SYNDIG1L: variants seen among roughly 807,000 people sequenced by gnomAD.
SYNDIG1L encodes the protein synapse differentiation inducing 1 like, also known as synapse differentiation-inducing gene protein 1-like.
Under a neutral mutation model 20.1 loss-of-function variants are expected in SYNDIG1L, and 13 were observed. The observed-to-expected ratio is 0.65, with a 90% CI of 0.42 to 1.03. The LOEUF (loss-of-function observed/expected upper bound fraction) is 1.03, where lower values mean the gene tolerates loss of function less well. Among genes scored for constraint, SYNDIG1L ranks in the 50% least tolerant of loss-of-function variants. The probability of loss-of-function intolerance (pLI) is 0.00; values close to 1 mark genes in which losing one functional copy is unlikely to be tolerated. For missense variants in SYNDIG1L, 294 were observed against 305.1 expected (o/e 0.96, Z 0.27); for synonymous variants, 128 against 129.3 (o/e 0.99, Z 0.07).
intron 1 of SYNDIG1L, among the ~76,000 whole-genome samples, chr14:74,414,187 A>T (rs2086156472): frequency 6.6e-6 from 1 of 152,186 alleles, no homozygotes; most frequent in Admixed American, 6.5e-5. Flanking sequence ...TGGTTACCTG[A>T]GGACCTACGG....
chr14:74,469,127 G>T, the SYNDIG1L span, among the ~76,000 whole-genome samples: 3 of 152,088 alleles, frequency 2.0e-5, no homozygotes. Flanking sequence ...ACCAGGTCAG[G>T]TTTGGTGTCT....
chr14:74,443,784 G>A, the SYNDIG1L span, among the ~76,000 whole-genome samples: 1 of 152,172 alleles, frequency 6.6e-6, no homozygotes, highest in Non-Finnish European at 1.5e-5. Flanking sequence ...TCTTTCTTCA[G>A]GAATCACTTG....
the SYNDIG1L span, among the ~76,000 whole-genome samples, chr14:74,437,393 G>A: frequency 6.6e-6 from 1 of 152,196 alleles, no homozygotes; most frequent in Non-Finnish European, 1.5e-5. Context: ...TTGTTAGAAT[G>A]ACCAGGGCTG....
chr14:74,436,977 A>G, the SYNDIG1L span, among the ~76,000 whole-genome samples: 1 of 151,126 alleles, frequency 6.6e-6, no homozygotes, highest in East Asian at 2.0e-4. Flanking sequence ...CTCCCATAGC[A>G]CTCAGAGCGT....
the SYNDIG1L span, among the ~76,000 whole-genome samples, chr14:74,467,241 A>G: frequency 6.6e-6 from 1 of 152,174 alleles, no homozygotes; most frequent in Non-Finnish European, 1.5e-5. Context: ...TGCTGGGATT[A>G]CGGGTGTGAG....
intron 1 of SYNDIG1L, among the ~76,000 whole-genome samples, chr14:74,416,999 C>A (rs1201019920): frequency 1.3e-5 from 2 of 152,182 alleles, no homozygotes; most frequent in Admixed American, 1.3e-4. Context: ...AATCACGGTA[C>A]CCTAATGCCA....
At chr14:74,418,294 G>T (rs2086193350) in intron 1 of SYNDIG1L, among the ~76,000 whole-genome samples, 1 of 152,190 alleles carries the variant, frequency 6.6e-6, no homozygotes. Context: ...AAGAGCCAGG[G>T]GTGGCGAGGG....
At chr14:74,444,754 CAAAAA>C in the SYNDIG1L span, among the ~76,000 whole-genome samples, 1 of 150,818 alleles carries the variant, frequency 6.6e-6, no homozygotes, top group African/African-American at 2.4e-5. Context: ...AACCCTGTCT[CAAAAA>C]AACAAAACAA....
chr14:74,450,671 G>A, the SYNDIG1L span, among the ~76,000 whole-genome samples: 3 of 152,018 alleles, frequency 2.0e-5, no homozygotes, highest in African/African-American at 7.2e-5. Context: ...AACAATTCCA[G>A]ACATTTATTG....
chr14:74,434,877 C>A, the SYNDIG1L span, among the ~76,000 whole-genome samples: 1 of 147,938 alleles, frequency 6.8e-6, no homozygotes, highest in Non-Finnish European at 1.5e-5. Context: ...GTCAGGAGAT[C>A]GAGACCATCC....
At chr14:74,413,499 T>C (rs1225513934) in intron 1 of SYNDIG1L, among the ~76,000 whole-genome samples, 1 of 152,200 alleles carries the variant, frequency 6.6e-6, no homozygotes, top group Non-Finnish European at 1.5e-5. Context: ...GGTAAATGCA[T>C]GTAATCTCAA....
At position 74,409,325 on chromosome 14, in the gene SYNDIG1L, C is replaced by T; in HGVS notation, c.417+3G>A. 1 of 1,532,666 alleles carries T rather than the reference C, an allele frequency of 6.5e-7. No homozygotes were observed. The highest frequency in any genetic ancestry group is 8.8e-7 in the Non-Finnish European group (1 of 1,137,372). The allele number at this position is 1,532,666 out of a possible 1,614,324, so 94.9% of individuals were successfully genotyped here. A position where few individuals can be genotyped will look rare whatever the true frequency, so the allele number is the denominator to read the frequency against. ...AATCTGCATTTTAACCTCATGCACT[C>T]ACCTCCTCTTCCTCCTGGTCATCCT... On this transcript the variant is annotated splice_donor_region_variant and intron_variant, in intron 2 of 3. Coordinates refer to ENST00000331628, the MANE Select transcript of SYNDIG1L (RefSeq NM_001105579.2).
the SYNDIG1L span, among the ~76,000 whole-genome samples, chr14:74,452,835 A>G: frequency 6.6e-6 from 1 of 152,224 alleles, no homozygotes; most frequent in African/African-American, 2.4e-5. Flanking sequence ...CAACCCAAAT[A>G]TTCATCAATT....
chr14:74,445,970 G>C, the SYNDIG1L span, among the ~76,000 whole-genome samples: 3 of 152,082 alleles, frequency 2.0e-5, no homozygotes, highest in African/African-American at 7.2e-5. Context: ...CCCATTTAAT[G>C]TAAAAGAAAA....
At chr14:74,420,160 G>T (rs1371889851) in intron 1 of SYNDIG1L, among the ~76,000 whole-genome samples, 1 of 152,106 alleles carries the variant, frequency 6.6e-6, no homozygotes, top group Admixed American at 6.5e-5. Flanking sequence ...ACTTTGGAAG[G>T]TCGAGGCGGG....
intron 1 of SYNDIG1L, among the ~76,000 whole-genome samples, chr14:74,421,903 C>A (rs1329510599): frequency 6.6e-6 from 1 of 152,164 alleles, no homozygotes; most frequent in Non-Finnish European, 1.5e-5. Context: ...CCTCTTTCTA[C>A]CCCCTGCCAC....
the SYNDIG1L span, among the ~76,000 whole-genome samples, chr14:74,442,033 G>A: frequency 6.6e-6 from 1 of 152,052 alleles, no homozygotes; most frequent in East Asian, 1.9e-4. Flanking sequence ...TTCTTAGCTG[G>A]GTACATGACT....
chr14:74,435,160 C>T, the SYNDIG1L span, among the ~76,000 whole-genome samples: 1 of 151,700 alleles, frequency 6.6e-6, no homozygotes, highest in East Asian at 1.9e-4. Flanking sequence ...CTCTCCCTGC[C>T]TGGCCTTGCC....
the SYNDIG1L span, among the ~76,000 whole-genome samples, chr14:74,471,610 A>C: frequency 6.6e-6 from 1 of 151,846 alleles, no homozygotes; most frequent in Non-Finnish European, 1.5e-5. Flanking sequence ...ACACACACAC[A>C]CACACATACA....
Sources: allele counts gnomAD v4.1 joint callset (sites outside exome capture counted in the v4.1 genomes callset), GRCh38; gene constraint gnomAD v4.1.1; transcripts MANE v1.5; gene names NCBI Gene and HGNC (gene_info 2026-07-23, HGNC 2026-07-21).